DENND5A: variants seen among roughly 807,000 people sequenced by gnomAD.
DENND5A encodes the protein DENN domain-containing protein 5A.
Under a neutral mutation model 140.3 loss-of-function variants are expected in DENND5A, and 64 were observed. The ratio of observed to expected loss-of-function variants is 0.46; its 90% CI spans 0.37 to 0.56. The LOEUF is 0.56. Among genes scored for constraint, DENND5A ranks in the 20% least tolerant of loss-of-function variants. DENND5A has a pLI of 0.00. For missense variants in DENND5A, 1,292 were observed against 1,593.8 expected, an observed-to-expected ratio of 0.81 and a Z score of 3.22; for synonymous variants, 605 against 607.7, an observed-to-expected ratio of 1.00 and a Z score of 0.07.
rs753585856 is a variant in DENND5A, at chr11:9,203,725, A to G, written c.884T>C (p.Val295Ala). 5 of 1,613,974 alleles carry G rather than the reference A, an allele frequency of 3.1e-6. No homozygotes were observed. The African/African-American group carries it at 4.0e-5, about 13-fold the overall frequency. The part of the protein sequence containing the change: ...PVKEVFELLG[V>A]ENVFQLFTCA... ...AGTAAAAAGCTGAAACACATTCTCC[A>G]CCCCGAGCAGTTCAAAAACCTCTTT... Residue 295 changes from valine to alanine, a missense_variant, in exon 4 of 23, where the codon GTG becomes GCG. By Grantham distance (64) the Val-to-Ala change is moderately conservative. Transcript: ENST00000328194.
intron 8 of DENND5A, chr11:9,171,366 T>TA (rs756573658): frequency 6.6e-6 from 1 of 152,416 alleles, no homozygotes; most frequent in Non-Finnish European, 1.5e-5. Context: ...GGGCACTGAG[T>TA]AAAGTACTCA....
At chr11:9,179,263 G>A (rs925356959) in intron 6 of DENND5A, among the ~76,000 whole-genome samples, 190 bp from the exon 7 acceptor site, 1 of 152,090 alleles carries the variant, frequency 6.6e-6, no homozygotes. Context: ...ACACAGAGGA[G>A]AGAAAAGTCA....
In DENND5A at chr11:9,146,770, C is replaced by T. The variant is rs934679823; in HGVS notation, c.2857+260G>A. ...ACTCCACCTTCATCAGCTTAGGCTCCCAGAGCAGTGCCTAGGACAACACCG... is the reference window on the plus strand; with the variant it reads ...ACTCCACCTTCATCAGCTTAGGCTCTCAGAGCAGTGCCTAGGACAACACCG... On this transcript the variant is annotated intron_variant, in intron 16 of 22. Coordinates refer to ENST00000328194, the MANE Select transcript of DENND5A (RefSeq NM_015213.4). The T allele has an allele frequency of 3.9e-5, 14 of 357,838 alleles. No homozygotes were observed. The East Asian group carries it at 7.2e-4, about 18-fold the overall frequency. The allele number at this position is 357,838 out of a possible 1,614,324, so 22.2% of individuals were successfully genotyped here.
At position 9,265,117 on chromosome 11, in the gene DENND5A, C is replaced by A. The variant is rs1852389505; in HGVS notation, c.-48G>T. The A allele has an allele frequency of 5.3e-6, 6 of 1,135,042 alleles. No individual in the cohort carries two copies. Among genetic ancestry groups the A allele is most frequent in the Non-Finnish European group, 6.6e-6 (6 of 912,926 alleles). The allele number at this position is 1,135,042 out of a possible 1,614,324, so 70.3% of individuals were successfully genotyped here. A position where few individuals can be genotyped will look rare whatever the true frequency, so the allele number is the denominator to read the frequency against. On this transcript the variant is annotated 5_prime_UTR_variant, in exon 1 of 23. Coordinates refer to ENST00000328194, the MANE Select transcript of DENND5A (RefSeq NM_015213.4). The surrounding 1 kb of genome is among the most constrained non-coding windows in gnomAD (Gnocchi z 4.7). ...GGGCAGTGCGGAGCGGCACCGAGCC[C>A]CCGCAACCCGGGCGCCCGCCCGTCC...
At chr11:9,234,516 G>C (rs769696886) in intron 1 of DENND5A, among the ~76,000 whole-genome samples, 1 of 152,120 alleles carries the variant, frequency 6.6e-6, no homozygotes. Context: ...GTTGGGAACA[G>C]GCCCCCCAAA....
At chr11:9,140,061 G>T in intron 22 of DENND5A, 1 of 1,119,508 alleles carries the variant, frequency 8.9e-7, no homozygotes, top group Non-Finnish European at 1.3e-6. Flanking sequence ...AATCAGCCCT[G>T]TCATGAGCCT....
At chr11:9,152,586 A>G (rs1332715104) in intron 12 of DENND5A, 144 bp from the exon 13 acceptor site, 10 of 632,654 alleles carry the variant, frequency 1.6e-5, no homozygotes, top group South Asian at 7.9e-5. Flanking sequence ...GTATGCAAAT[A>G]TATCAATTTA....
At chr11:9,256,090 A>G (rs1229877521) in intron 1 of DENND5A, among the ~76,000 whole-genome samples, 1 of 151,990 alleles carries the variant, frequency 6.6e-6, no homozygotes, top group Non-Finnish European at 1.5e-5. Flanking sequence ...CTAAGTATTC[A>G]GCAAAGAGAA....
intron 1 of DENND5A, among the ~76,000 whole-genome samples, chr11:9,221,982 C>G (rs938300980): frequency 1.3e-5 from 2 of 151,964 alleles, no homozygotes; most frequent in African/African-American, 4.8e-5. Context: ...TGGTCTTGAT[C>G]TCCTGACCTC....
rs1847641392 is a variant in DENND5A, at chr11:9,152,248, C to A, written c.2521+110G>T. Reference sequence around the variant, plus strand: ...CTCCATATTTAAAAGAGAAAACATTCCAGAGCAAAAGCTTCTTCGACCTGG... The same window carrying A: ...CTCCATATTTAAAAGAGAAAACATTACAGAGCAAAAGCTTCTTCGACCTGG... On this transcript the variant is annotated intron_variant, in intron 13 of 22. Transcript: ENST00000328194. The A allele has an allele frequency of 4.7e-6, 4 of 845,692 alleles. No homozygotes were observed. The African/African-American group carries it at 6.7e-5, about 14-fold the overall frequency. The allele number at this position is 845,692 out of a possible 1,614,324, so 52.4% of individuals were successfully genotyped here. A position where few individuals can be genotyped will look rare whatever the true frequency, so the allele number is the denominator to read the frequency against.
At chr11:9,201,377 T>TAA (rs35169343) in intron 4 of DENND5A, among the ~76,000 whole-genome samples, 86 of 131,990 alleles carry the variant, frequency 6.5e-4, no homozygotes, top group Non-Finnish European at 8.0e-4. Context: ...TCTATTTCTT[T>TAA]AAAAAAAAAA....
intron 1 of DENND5A, among the ~76,000 whole-genome samples, chr11:9,218,381 A>C (rs1590290880): frequency 6.6e-6 from 1 of 152,312 alleles, no homozygotes; most frequent in East Asian, 1.9e-4. Context: ...GGACAAAATA[A>C]ATAAAATTAG....
intron 12 of DENND5A, among the ~76,000 whole-genome samples, chr11:9,156,344 AT>A (rs1689542749): frequency 6.6e-6 from 1 of 152,160 alleles, no homozygotes; most frequent in South Asian, 2.1e-4. Flanking sequence ...AAAAGCCCCC[AT>A]TATTTTGCAC....
At position 9,144,131 on chromosome 11, in the gene DENND5A, C is replaced by T. The variant is rs779684432; in HGVS notation, c.3270G>A (p.Arg1090=). The change falls in exon 19 of 23, where the codon CGG becomes CGA. Residue 1090 remains arginine, a synonymous_variant. Transcript: ENST00000328194. ...TGTTGGGTGAGATGGTAACAAGCCTCCGGATGACACTGGGGGACTGCTGCA... is the reference window on the plus strand; with the variant it reads ...TGTTGGGTGAGATGGTAACAAGCCTTCGGATGACACTGGGGGACTGCTGCA... ...PPLQQSPSVI[R]RLVTISPNNK... is the part of the protein sequence containing the mutation. 3.7e-6 allele frequency: 6 copies of T among 1,614,018 alleles called. No individual in the cohort carries two copies. The South Asian group carries it at 6.6e-5, about 18-fold the overall frequency.
At chr11:9,204,369 C>T (rs1217680675) in intron 3 of DENND5A, 52 bp from the exon 4 acceptor site, 1 of 1,526,382 alleles carries the variant, frequency 6.6e-7, no homozygotes, top group Non-Finnish European at 8.9e-7. Flanking sequence ...TGGCGATCCT[C>T]TTTCAGAACA....
At chr11:9,220,343 T>C (rs1309217176) in intron 1 of DENND5A, among the ~76,000 whole-genome samples, 2 of 150,656 alleles carry the variant, frequency 1.3e-5, no homozygotes, top group East Asian at 2.0e-4. Flanking sequence ...AGGTCAGGAG[T>C]TCAAGACCAG....
In DENND5A at chr11:9,142,071, A is replaced by C. The variant is rs1816432151; in HGVS notation, c.3549T>G (p.Asn1183Lys). 6.2e-7 allele frequency: 1 copy of C among 1,602,884 alleles called. No individual in the cohort carries two copies. Among genetic ancestry groups the C allele is most frequent in the Non-Finnish European group, 8.5e-7 (1 of 1,174,880 alleles). ...GCCAGTTTTCCTCAGGGACTACTTC[A>C]TTCTTCTCTAATGTCTCATAATAGG... The part of the protein sequence containing the change: ...AQTYYETLEK[N>K]EVVPEENWHT... The change falls in exon 22 of 23, where the codon AAT becomes AAG. Residue 1183 changes from asparagine (N) to lysine (K), a missense_variant. Around this residue, in one of 4 missense-constraint regions of DENND5A, gnomAD observed 498 missense variants for 689.7 expected, o/e 0.72. Transcript: ENST00000328194.
At chr11:9,233,895 A>G (rs1850882285) in intron 1 of DENND5A, among the ~76,000 whole-genome samples, 1 of 152,130 alleles carries the variant, frequency 6.6e-6, no homozygotes, top group African/African-American at 2.4e-5. Flanking sequence ...AAACTAATAT[A>G]GGCTGGGTGC....
chr11:9,160,374 T>C (rs1847938322), intron 12 of DENND5A, among the ~76,000 whole-genome samples: 1 of 152,210 alleles, frequency 6.6e-6, no homozygotes, highest in African/African-American at 2.4e-5. Context: ...ACCTTTAGTG[T>C]ATGACTGGTA....
Sources: gnomAD v4.1 joint callset for allele counts (sites outside exome capture counted in the v4.1 genomes callset) on GRCh38, gnomAD v4.1.1 for gene constraint, gnomAD v4.1.1 regional missense constraint, Gnocchi (gnomAD v3.1) non-coding constraint, MANE v1.5 for transcripts, NCBI Gene and HGNC (gene_info 2026-07-23, HGNC 2026-07-21) for gene names.